Variants in CNTN3 observed in about 807,000 individuals in gnomAD.
The protein encoded by CNTN3 is contactin-3.
Under a neutral mutation model 119.1 loss-of-function variants are expected in CNTN3, and 60 were observed. The ratio of observed to expected loss-of-function variants is 0.50; its 90% CI spans 0.41 to 0.62. CNTN3 has a LOEUF of 0.62. Among genes scored for constraint, CNTN3 ranks in the 20% least tolerant of loss-of-function variants. The pLI is 0.00. For missense variants in CNTN3, 1,101 were observed against 1,242.4 expected (o/e 0.89, Z 1.71); for synonymous variants, 450 against 438.7 (o/e 1.03, Z -0.32).
At chr3:74,409,780 C>T (rs1239491068) in intron 5 of CNTN3, among the ~76,000 whole-genome samples, 3 of 152,146 alleles carry the variant, frequency 2.0e-5, no homozygotes, top group African/African-American at 7.2e-5. Context: ...GAAGCTCTTG[C>T]AACTTAGAGT....
At chr3:74,544,897 C>T (rs1052401528) in intron 1 of CNTN3, among the ~76,000 whole-genome samples, 15 of 152,024 alleles carry the variant, frequency 9.9e-5, no homozygotes, top group African/African-American at 3.1e-4. Context: ...CATGCCCGGC[C>T]GATGAATCTC....
At chr3:74,473,578 G>A (rs899297802) in intron 4 of CNTN3, among the ~76,000 whole-genome samples, 2 of 152,172 alleles carry the variant, frequency 1.3e-5, no homozygotes, top group African/African-American at 2.4e-5. Context: ...AATATTGAAT[G>A]AGCATCTACT....
At chr3:74,509,609 A>G (rs186924177) in intron 2 of CNTN3, among the ~76,000 whole-genome samples, 1 of 152,152 alleles carries the variant, frequency 6.6e-6, no homozygotes, top group African/African-American at 2.4e-5. Context: ...TTTAATTCCT[A>G]TTGCTTTCCT....
chr3:74,350,649 A>T (rs1286615076), intron 11 of CNTN3, among the ~76,000 whole-genome samples: 2 of 152,198 alleles, frequency 1.3e-5, no homozygotes, highest in East Asian at 3.9e-4. Flanking sequence ...TATTCCCAAG[A>T]GTAAAGTCAT....
At chr3:74,548,542 C>T (rs1703945636) in intron 1 of CNTN3, among the ~76,000 whole-genome samples, 1 of 151,884 alleles carries the variant, frequency 6.6e-6, no homozygotes, top group Non-Finnish European at 1.5e-5. Flanking sequence ...TGTTATTATC[C>T]TTTTAATACA....
intron 4 of CNTN3, among the ~76,000 whole-genome samples, chr3:74,451,243 T>C (rs941771079): frequency 2.0e-5 from 3 of 152,200 alleles, no homozygotes; most frequent in African/African-American, 7.2e-5. Flanking sequence ...GCGGTTTTGA[T>C]TTGCATTTCT....
intron 13 of CNTN3, among the ~76,000 whole-genome samples, chr3:74,328,230 C>T (rs1485065703): frequency 1.3e-5 from 2 of 152,048 alleles, no homozygotes; most frequent in African/African-American, 4.8e-5. Context: ...TCAAAGTCTA[C>T]ACAGTCTTAT....
chr3:74,345,368 T>C (rs992084756), intron 11 of CNTN3, among the ~76,000 whole-genome samples: 1 of 152,212 alleles, frequency 6.6e-6, no homozygotes, highest in Admixed American at 6.5e-5. Context: ...CGTTTAAGCA[T>C]CTGACTCTTC....
chr3:74,517,447 G>C (rs555501126), intron 2 of CNTN3, among the ~76,000 whole-genome samples: 1 of 152,006 alleles, frequency 6.6e-6, no homozygotes, highest in East Asian at 1.9e-4. Flanking sequence ...TTACTGAACT[G>C]TCCGTTCAGT....
intron 5 of CNTN3, among the ~76,000 whole-genome samples, chr3:74,378,401 A>G (rs779334856): frequency 7.2e-5 from 11 of 152,178 alleles, no homozygotes; most frequent in Non-Finnish European, 1.3e-4. Flanking sequence ...TGACACTATT[A>G]TATATTGTAT....
chr3:74,371,186 GTT>G lies in CNTN3; in HGVS notation c.658+8_658+9del. ...TACGCTCAGAAGTGCACTTGGAGAAGTTTCATTACCATCAGAACGTAGCACCA... is the reference window on the plus strand; with the variant it reads ...TACGCTCAGAAGTGCACTTGGAGAAGTCATTACCATCAGAACGTAGCACCA... On this transcript the variant is annotated splice_region_variant and intron_variant, in intron 6 of 22. Transcript: ENST00000263665. The G allele has an allele frequency of 1.2e-6, 2 of 1,608,220 alleles. No homozygotes were observed. The highest frequency in any genetic ancestry group is 1.7e-6 in the Non-Finnish European group (2 of 1,175,072).
intron 1 of CNTN3, among the ~76,000 whole-genome samples, chr3:74,558,239 CA>C (rs1324360134): frequency 4.6e-5 from 7 of 152,196 alleles, no homozygotes; most frequent in Admixed American, 1.3e-4. Flanking sequence ...ACTACTGCAT[CA>C]TAGTTCACCT....
intron 3 of CNTN3, among the ~76,000 whole-genome samples, chr3:74,489,289 C>T (rs900916281): frequency 6.6e-6 from 1 of 152,044 alleles, no homozygotes; most frequent in Non-Finnish European, 1.5e-5. Context: ...TAGACCATCC[C>T]CAACAAGTAA....
In CNTN3 at chr3:74,542,758, G is replaced by T. The variant is rs1703859640; in HGVS notation, c.-80-21566C>A. On this transcript the variant is annotated intron_variant, in intron 1 of 22. Coordinates refer to ENST00000263665, the MANE Select transcript of CNTN3 (RefSeq NM_020872.3). ...CAAAAGATTTGAGAATTTTGTTCCT[G>T]CTTACGGCTTTCTACTTTTAAAATT... 2.0e-5 allele frequency among the ~76,000 whole-genome samples: 3 copies of T among 152,214 alleles called. 1 individual carries two copies. Among genetic ancestry groups the T allele is most frequent in the African/African-American group, 7.2e-5 (3 of 41,538 alleles).
intron 20 of CNTN3, among the ~76,000 whole-genome samples, chr3:74,276,237 A>G (rs977787637): frequency 6.6e-6 from 1 of 152,202 alleles, no homozygotes; most frequent in Non-Finnish European, 1.5e-5. Context: ...TCATCAAGAC[A>G]TAAAGTTAAC....
At chr3:74,500,044 T>C (rs1703139029) in intron 2 of CNTN3, among the ~76,000 whole-genome samples, 1 of 152,076 alleles carries the variant, frequency 6.6e-6, no homozygotes, top group African/African-American at 2.4e-5. Context: ...CAGCAATTAC[T>C]TTTTATTACA....
chr3:74,273,541 C>A (rs966085311), intron 20 of CNTN3, among the ~76,000 whole-genome samples: 1 of 152,198 alleles, frequency 6.6e-6, no homozygotes, highest in African/African-American at 2.4e-5. Flanking sequence ...CATACCCCCA[C>A]TGGGGAAACT....
chr3:74,555,411 G>T (rs924244811), intron 1 of CNTN3, among the ~76,000 whole-genome samples: 2 of 152,134 alleles, frequency 1.3e-5, no homozygotes, highest in African/African-American at 4.8e-5. Context: ...TTGGTATCAG[G>T]ATGATGCTGG....
In CNTN3 at chr3:74,474,129, C is replaced by G. The variant is rs532111250; in HGVS notation, c.358+12327G>C. ...ACGGGGGAGGTGAGAGGCGAGCTGA[C>G]TCTCATTCACAGGTGGTACTGGTGG... On this transcript the variant is annotated intron_variant, in intron 4 of 22. Transcript: ENST00000263665. 1.1e-4 allele frequency among the ~76,000 whole-genome samples: 16 copies of G among 152,222 alleles called. 2 individuals are homozygous for G. In the South Asian group the frequency reaches 2.5e-3, roughly 24 times the overall value.
Sources: gnomAD v4.1 joint callset for allele counts (sites outside exome capture counted in the v4.1 genomes callset) on GRCh38, gnomAD v4.1.1 for gene constraint, MANE v1.5 for transcripts, NCBI Gene and HGNC (gene_info 2026-07-23, HGNC 2026-07-21) for gene names.